LRP4: variants seen among roughly 807,000 people sequenced by gnomAD.
LRP4 encodes LDL receptor related protein 4, also known as low-density lipoprotein receptor-related protein 4.
In LRP4, 95 loss-of-function variants were observed where a neutral mutation model predicts 220.3. The ratio of observed to expected loss-of-function variants is 0.43; its 90% CI spans 0.37 to 0.51. The LOEUF is 0.51. LRP4 is among the 20% of genes least tolerant of loss of function. LRP4 has a pLI of 0.00. For synonymous variants in LRP4, 903 were observed against 954.6 expected, an observed-to-expected ratio of 0.95 and a Z score of 1.00; for missense variants, 1,925 against 2,567.0, an observed-to-expected ratio of 0.75 and a Z score of 5.40.
rs758447371 is a variant in LRP4 at position 46,904,494 on chromosome 11, TGGATGGACGGACAGAC to T, written c.53-1581_53-1566del. ...AGCCTGCAATGCATGGATGGATGGA[TGGATGGACGGACAGAC>T]GGATGGATGGATGGATGGATGGATG... is the stretch of plus-strand genomic sequence containing the variant. On this transcript the variant is annotated intron_variant, in intron 1 of 37. Transcript: ENST00000378623. 5.0e-4 allele frequency among the ~76,000 whole-genome samples: 54 copies of T among 108,450 alleles called. No homozygotes were observed. In the East Asian group the frequency reaches 0.03, roughly 61 times the overall value. 71.1% of individuals were successfully genotyped at this position (108,450 alleles called of 152,430 possible).
In LRP4 at chr11:46,886,369, T is replaced by C; in HGVS notation, c.2380A>G (p.Thr794Ala). 1.1e-5 allele frequency: 17 copies of C among 1,603,812 alleles called. No individual in the cohort carries two copies. Among genetic ancestry groups the C allele is most frequent in the Non-Finnish European group, 1.4e-5 (16 of 1,174,508 alleles). ...DDHVYWTDVS[T>A]DTISRAKWDG... Reference sequence around the variant, plus strand: ...CACTTGGCCCTGCTGATGGTATCAGTGCTGACATCTGTCCAGTACACGTGG... The same window carrying C: ...CACTTGGCCCTGCTGATGGTATCAGCGCTGACATCTGTCCAGTACACGTGG... Residue 794 changes from threonine to alanine, a missense_variant, in exon 17 of 38, where the codon ACT becomes GCT. This residue lies in a region of LRP4 where 1,244 missense variants were observed against 1,624.9 expected (regional missense o/e 0.77). Transcript: ENST00000378623.
intron 2 of LRP4, 125 bp downstream of exon 2, chr11:46,902,658 T>A (rs899858415): frequency 9.1e-7 from 1 of 1,103,812 alleles, no homozygotes; most frequent in African/African-American, 1.5e-5. Flanking sequence ...TCTATCAAGC[T>A]TGCAAAAGAC....
Position 46,894,048 on chromosome 11 carries a change from C to T in LRP4, c.1540+541G>A, listed in dbSNP as rs539556003. On this transcript the variant is annotated intron_variant, in intron 12 of 37. Transcript: ENST00000378623. ...CTGGGATTACAGGCATGCGCCACCA[C>T]GCCCGGCTAACTTTTGTATTTTTAG... is the stretch of plus-strand genomic sequence containing the variant. Among the ~76,000 whole-genome samples the T allele has an allele frequency of 3.1e-4, 47 of 151,110 alleles. 1 individual carries two copies. The South Asian group carries it at 7.0e-3, about 22-fold the overall frequency.
At chr11:46,885,645 G>A (rs1441535959) in intron 18 of LRP4, among the ~76,000 whole-genome samples, 1 of 151,946 alleles carries the variant, frequency 6.6e-6, no homozygotes, top group Admixed American at 6.6e-5. Flanking sequence ...GGTGGTGCAC[G>A]CCTGTAGTCC....
intron 1 of LRP4, among the ~76,000 whole-genome samples, chr11:46,906,336 G>C: frequency 6.6e-6 from 1 of 151,708 alleles, no homozygotes; most frequent in Non-Finnish European, 1.5e-5. Flanking sequence ...CACGCCTGTA[G>C]TCCCAGCTAC....
intron 19 of LRP4, among the ~76,000 whole-genome samples, chr11:46,883,111 T>G (rs1941200425): frequency 6.6e-6 from 1 of 152,222 alleles, no homozygotes; most frequent in Non-Finnish European, 1.5e-5. Context: ...TTAAATTTTT[T>G]TAACAATGAG....
rs1438395921 is a variant in LRP4 at position 46,893,095 on chromosome 11, G to C, written c.1575C>G (p.Leu525=). The stretch of plus-strand genomic sequence containing the variant: ...TCGAGGTGCCTGAGTCGGTCCAGTA[G>C]AGTTTGTCATGGACCCAATCCACAG... ...GLAVDWVHDK[L]YWTDSGTSRI... Residue 525 remains leucine, a synonymous_variant, in exon 13 of 38, where the codon CTC becomes CTG. Coordinates refer to ENST00000378623, the MANE Select transcript of LRP4 (RefSeq NM_002334.4). 1.9e-6 allele frequency: 3 copies of C among 1,614,202 alleles called. No homozygotes were observed. Among genetic ancestry groups the C allele is most frequent in the Non-Finnish European group, 2.5e-6 (3 of 1,180,040 alleles).
chr11:46,892,056 A>G (rs1235256976), intron 13 of LRP4, among the ~76,000 whole-genome samples: 1 of 151,900 alleles, frequency 6.6e-6, no homozygotes, highest in Non-Finnish European at 1.5e-5. Context: ...TCAGCCTCCC[A>G]CGTAGCTGGG....
At chr11:46,866,552 C>T (rs1355309234) in intron 34 of LRP4, among the ~76,000 whole-genome samples, 1 of 152,164 alleles carries the variant, frequency 6.6e-6, no homozygotes. Flanking sequence ...TCCCAAAGTG[C>T]TGGGATTACA....
intron 1 of LRP4, 140 bp from the exon 2 acceptor site, chr11:46,903,069 G>A (rs1382327330): frequency 4.0e-6 from 4 of 991,016 alleles, no homozygotes; most frequent in South Asian, 2.8e-5. Context: ...GATGCAGGCA[G>A]TAAAACCATG....
intron 1 of LRP4, among the ~76,000 whole-genome samples, chr11:46,913,052 T>G (rs1270891590): frequency 6.6e-6 from 1 of 151,956 alleles, no homozygotes; most frequent in Non-Finnish European, 1.5e-5. Flanking sequence ...CTATCCCCAG[T>G]TGGGTCCCAG....
chr11:46,863,013 T>G, intron 36 of LRP4: 1 of 473,740 alleles, frequency 2.1e-6, no homozygotes, highest in South Asian at 2.2e-5. Context: ...TCCCTCATTC[T>G]CTTTTGCTCT....
At position 46,862,670 on chromosome 11, in the gene LRP4, T is replaced by C. The variant is rs762257054; in HGVS notation, c.5321A>G (p.Gln1774Arg). The C allele has an allele frequency of 1.2e-6, 2 of 1,614,062 alleles. No individual in the cohort carries two copies. The highest frequency in any genetic ancestry group is 1.1e-5 in the South Asian group (1 of 91,088). ...YSNPSYRTSTQEVKIEAIPKP... is the reference protein window; with the variant it reads ...YSNPSYRTSTREVKIEAIPKP... ...GGGGATTGCTTCAATCTTCACTTCC[T>C]GTGTGGATGTTCGGTAGGAGGGGTT... The change falls in exon 37 of 38, where the codon CAG becomes CGG. Residue 1774 changes from glutamine to arginine, a missense_variant. Physicochemically the swap from Gln to Arg is conservative, Grantham distance 43. Coordinates refer to ENST00000378623, the MANE Select transcript of LRP4 (RefSeq NM_002334.4).
intron 12 of LRP4, among the ~76,000 whole-genome samples, chr11:46,893,842 C>T (rs1311785209): frequency 2.7e-5 from 4 of 149,502 alleles, no homozygotes; most frequent in Admixed American, 2.0e-4. Context: ...TCACGTGATC[C>T]GCCTGCTTCA....
chr11:46,898,588 A>T lies in LRP4; in HGVS notation c.766T>A (p.Cys256Ser). ...AGWRCDGDAD[C>S]DDQSDERNCT... ...TTGCGCTCATCAGACTGGTCATCACAGTCCGCGTCACCATCGCAGCGCCAG... is the reference window on the plus strand; with the variant it reads ...TTGCGCTCATCAGACTGGTCATCACTGTCCGCGTCACCATCGCAGCGCCAG... The change falls in exon 7 of 38, where the codon TGT becomes AGT. Residue 256 changes from cysteine to serine, a missense_variant. By Grantham distance (112) the Cys-to-Ser change is moderately radical. This residue lies in a region of LRP4 where 412 missense variants were observed against 505.4 expected (regional missense o/e 0.82). Coordinates refer to ENST00000378623, the MANE Select transcript of LRP4 (RefSeq NM_002334.4). The T allele has an allele frequency of 6.2e-7, 1 of 1,614,204 alleles. No individual in the cohort carries two copies. Among genetic ancestry groups the T allele is most frequent in the Non-Finnish European group, 8.5e-7 (1 of 1,180,036 alleles).
chr11:46,898,553 C>G lies in LRP4; in HGVS notation c.796+5G>C. The G allele has an allele frequency of 1.9e-6, 3 of 1,614,134 alleles. No homozygotes were observed. The highest frequency in any genetic ancestry group is 2.5e-6 in the Non-Finnish European group (3 of 1,180,016). ...AGCCCAACCTAATTCCATTTCCCCA[C>G]TCACTGCAGTTGCGCTCATCAGACT... On this transcript the variant is annotated splice_donor_5th_base_variant and intron_variant, in intron 7 of 37. Transcript: ENST00000378623.
chr11:46,876,909 C>T, intron 23 of LRP4, 79 bp from the exon 24 acceptor site: 1 of 1,166,556 alleles, frequency 8.6e-7, no homozygotes, highest in Non-Finnish European at 1.3e-6. Context: ...TGTCTTGAAA[C>T]ACCAGAGCAT....
chr11:46,916,789 T>C (rs1409520742), intron 1 of LRP4, among the ~76,000 whole-genome samples: 1 of 152,158 alleles, frequency 6.6e-6, no homozygotes, highest in Non-Finnish European at 1.5e-5. Context: ...TTCCATCCCC[T>C]TTCCTTGCAA....
chr11:46,875,107 GT>G lies in LRP4; in HGVS notation c.3926-5del, dbSNP rs765591031. 4 of 1,611,690 alleles carry G rather than the reference GT, an allele frequency of 2.5e-6. No individual in the cohort carries two copies. The highest frequency in any genetic ancestry group is 1.7e-6 in the Non-Finnish European group (2 of 1,179,972). ...CTCGAGCCGCACTTGTTAAAACCTGGTGATGAGAAGCACAAGTATTCACACC... is the reference window on the plus strand; with the variant it reads ...CTCGAGCCGCACTTGTTAAAACCTGGGATGAGAAGCACAAGTATTCACACC... On this transcript the variant is annotated splice_polypyrimidine_tract_variant and splice_region_variant and intron_variant, in intron 27 of 37. Coordinates refer to ENST00000378623, the MANE Select transcript of LRP4 (RefSeq NM_002334.4). This position sits in a 1 kb window ranked among gnomAD's most constrained non-coding sequence, Gnocchi z 4.5.
Sources: gnomAD v4.1 joint callset for allele counts (sites outside exome capture counted in the v4.1 genomes callset) on GRCh38, gnomAD v4.1.1 for gene constraint, gnomAD v4.1.1 regional missense constraint, Gnocchi (gnomAD v3.1) non-coding constraint, MANE v1.5 for transcripts, NCBI Gene and HGNC (gene_info 2026-07-23, HGNC 2026-07-21) for gene names.